Variants in SWAP70 observed in about 807,000 individuals in gnomAD.
SWAP70 encodes the protein switch-associated protein 70.
Under a neutral mutation model 80.2 loss-of-function variants are expected in SWAP70, and 34 were observed. The observed-to-expected ratio is 0.42, with a 90% CI of 0.32 to 0.56. SWAP70 has a LOEUF of 0.56. SWAP70 is among the 20% of genes least tolerant of loss of function. The pLI, the probability that SWAP70 is intolerant of heterozygous loss-of-function variation, is 0.09. For missense variants in SWAP70, 578 were observed against 690.7 expected (o/e 0.84, Z 1.83); for synonymous variants, 239 against 238.5 (o/e 1.00, Z -0.02).
At chr11:9,709,815 A>G (rs910183449) in intron 2 of SWAP70, among the ~76,000 whole-genome samples, 1 of 152,144 alleles carries the variant, frequency 6.6e-6, no homozygotes, top group Non-Finnish European at 1.5e-5. Context: ...GACTCCCCCA[A>G]AACTTAACTC....
intron 1 of SWAP70, among the ~76,000 whole-genome samples, chr11:9,673,994 G>T (rs1030573707): frequency 2.6e-5 from 4 of 152,144 alleles, no homozygotes; most frequent in Non-Finnish European, 4.4e-5. Flanking sequence ...CTGCCTCCTG[G>T]GTTCAAGCGA....
chr11:9,717,726 TTG>T (rs1354862305), intron 3 of SWAP70, among the ~76,000 whole-genome samples: 1 of 152,198 alleles, frequency 6.6e-6, no homozygotes, highest in Non-Finnish European at 1.5e-5. Context: ...CCACAATTAA[TTG>T]TGTTTTCTTT....
chr11:9,726,678 A>G (rs1215605463), intron 4 of SWAP70, among the ~76,000 whole-genome samples: 2 of 152,260 alleles, frequency 1.3e-5, no homozygotes, highest in African/African-American at 4.8e-5. Flanking sequence ...TGTATATTCT[A>G]TCATGCGCTA....
chr11:9,671,981 T>G (rs1401652209), intron 1 of SWAP70, among the ~76,000 whole-genome samples: 1 of 115,764 alleles, frequency 8.6e-6, no homozygotes, highest in Non-Finnish European at 1.6e-5. Context: ...TTATATATTT[T>G]TCTATATTTT....
intron 3 of SWAP70, among the ~76,000 whole-genome samples, chr11:9,721,230 G>C (rs1201025877): frequency 6.6e-6 from 1 of 150,848 alleles, no homozygotes; most frequent in African/African-American, 2.4e-5. Context: ...GCCTATCCCT[G>C]TTACTTCTCT....
intron 1 of SWAP70, among the ~76,000 whole-genome samples, chr11:9,668,074 A>G (rs1225483872): frequency 6.6e-6 from 1 of 152,102 alleles, no homozygotes; most frequent in Non-Finnish European, 1.5e-5. Context: ...TTTTTAGTAG[A>G]GATGGGGTTT....
intron 2 of SWAP70, among the ~76,000 whole-genome samples, chr11:9,707,876 TTAA>T (rs1203028069): frequency 3.8e-4 from 56 of 147,328 alleles, no homozygotes; most frequent in Admixed American, 1.5e-3. Flanking sequence ...TTTAAAAAAT[TTAA>T]AAAAAAATTT....
At chr11:9,741,873 G>A (rs1056378987) in intron 9 of SWAP70, 1 of 143,052 alleles carries the variant, frequency 7.0e-6, no homozygotes, top group African/African-American at 2.6e-5. Context: ...GGAGGCCGAG[G>A]CTGGAGGATC....
intron 9 of SWAP70, among the ~76,000 whole-genome samples, chr11:9,746,833 C>T (rs1851518268): frequency 6.6e-6 from 1 of 152,240 alleles, no homozygotes; most frequent in Non-Finnish European, 1.5e-5. Context: ...TAGCCCATCA[C>T]CTAGAGTATT....
At chr11:9,748,342 C>T (rs56340721) in intron 10 of SWAP70, among the ~76,000 whole-genome samples, 14,626 of 152,222 alleles carry the variant, frequency 0.096, 1,765 homozygotes, top group East Asian at 0.28. Context: ...AATGCAGGAA[C>T]AGCAGACGTA....
chr11:9,721,930 A>G (rs2133802900), intron 3 of SWAP70, among the ~76,000 whole-genome samples: 1 of 152,390 alleles, frequency 6.6e-6, no homozygotes, highest in East Asian at 1.9e-4. Flanking sequence ...TCATGATCCT[A>G]TTGTAACAAA....
chr11:9,693,276 T>C (rs1282534657), intron 1 of SWAP70, among the ~76,000 whole-genome samples: 10 of 152,216 alleles, frequency 6.6e-5, no homozygotes, highest in African/African-American at 2.4e-4. Flanking sequence ...GGATTTAAGT[T>C]CTATCTTGAA....
intron 3 of SWAP70, among the ~76,000 whole-genome samples, chr11:9,719,093 C>CCAAAA (rs1851102476): frequency 2.1e-5 from 2 of 95,726 alleles, no homozygotes; most frequent in Non-Finnish European, 4.0e-5. Context: ...GACACTGAAT[C>CCAAAA]AAAAAAAAAA....
At chr11:9,667,249 T>A (rs568782241) in intron 1 of SWAP70, among the ~76,000 whole-genome samples, 51 of 151,672 alleles carry the variant, frequency 3.4e-4, no homozygotes, top group East Asian at 5.8e-4. Flanking sequence ...TGTGTGTGTG[T>A]GAGAGAGAGA....
intron 1 of SWAP70, among the ~76,000 whole-genome samples, chr11:9,666,243 A>C (rs1430265327): frequency 6.6e-6 from 1 of 151,462 alleles, no homozygotes; most frequent in Non-Finnish European, 1.5e-5. Context: ...GCGTCACCAC[A>C]CCTAGCTAAT....
intron 1 of SWAP70, among the ~76,000 whole-genome samples, chr11:9,667,134 G>A (rs971662905): frequency 1.3e-5 from 2 of 152,038 alleles, no homozygotes; most frequent in Non-Finnish European, 2.9e-5. Flanking sequence ...AGAAGTGCTA[G>A]GATTACAGGT....
intron 2 of SWAP70, among the ~76,000 whole-genome samples, chr11:9,705,310 T>TGC (rs1850889983): frequency 1.4e-5 from 2 of 142,560 alleles, no homozygotes; most frequent in African/African-American, 5.4e-5. Flanking sequence ...GATCTGTGTA[T>TGC]ACTTGGTGAT....
At chr11:9,724,109 C>A (rs1381130963) in intron 3 of SWAP70, among the ~76,000 whole-genome samples, 1 of 152,216 alleles carries the variant, frequency 6.6e-6, no homozygotes, top group South Asian at 2.1e-4. Context: ...ATTTTCTACA[C>A]AAAGTATGAT....
chr11:9,749,537 C>T (rs955532570), intron 11 of SWAP70, among the ~76,000 whole-genome samples: 29 of 152,326 alleles, frequency 1.9e-4, no homozygotes, highest in South Asian at 1.4e-3. Flanking sequence ...TGAGCCACCA[C>T]GCCCTGCCCA....
Sources: allele counts gnomAD v4.1 joint callset (sites outside exome capture counted in the v4.1 genomes callset), GRCh38; gene constraint gnomAD v4.1.1; transcripts MANE v1.5; gene names NCBI Gene and HGNC (gene_info 2026-07-23, HGNC 2026-07-21).